Variants in GNPTAB observed in about 807,000 individuals in gnomAD.
The protein encoded by GNPTAB is N-acetylglucosamine-1-phosphotransferase subunits alpha/beta.
GNPTAB carries 92 observed loss-of-function variants against 136.6 expected under a neutral mutation model. The observed-to-expected ratio is 0.67, with a 90% CI of 0.57 to 0.80. The LOEUF (loss-of-function observed/expected upper bound fraction) is 0.80, where lower values mean the gene tolerates loss of function less well. Among genes scored for constraint, GNPTAB ranks in the 30% least tolerant of loss-of-function variants. The probability of loss-of-function intolerance (pLI) is 0.00; values close to 1 mark genes in which losing one functional copy is unlikely to be tolerated. For missense variants in GNPTAB, 1,343 were observed against 1,501.8 expected, an observed-to-expected ratio of 0.89 and a Z score of 1.75; for synonymous variants, 512 against 535.1, an observed-to-expected ratio of 0.96 and a Z score of 0.60.
At chr12:101,753,639 TC>T (rs1952855976) in intron 18 of GNPTAB, 100 bp from the exon 19 acceptor site, 2 of 987,506 alleles carry the variant, frequency 2.0e-6, no homozygotes, top group Non-Finnish European at 3.2e-6. Context: ...TGGACTTATG[TC>T]CCAAGTTGGT....
intron 6 of GNPTAB, 63 bp from the exon 7 acceptor site, chr12:101,780,349 T>C (rs1953323364): frequency 1.3e-5 from 20 of 1,539,364 alleles, no homozygotes; most frequent in Non-Finnish European, 1.8e-5. Flanking sequence ...AACCTACAGC[T>C]GAGAAAACTG....
At chr12:101,790,813 T>C (rs1868944803) in intron 2 of GNPTAB, among the ~76,000 whole-genome samples, 1 of 150,860 alleles carries the variant, frequency 6.6e-6, no homozygotes. Flanking sequence ...CCCTACTTAA[T>C]GCTGTAGCCT....
chr12:101,789,553 C>G (rs759673985), intron 3 of GNPTAB, among the ~76,000 whole-genome samples: 34 of 152,190 alleles, frequency 2.2e-4, no homozygotes, highest in Non-Finnish European at 2.9e-5. Flanking sequence ...GATACAATCA[C>G]GGCTCACTGC....
Position 101,770,492 on chromosome 12 carries a change from C to A in GNPTAB, c.1027G>T (p.Val343Phe), listed in dbSNP as rs140518816. ...TTGGTGACAATGAAAATATTCCGAA[C>A]CCATGGTGCATGCCTCTCGATAGAT... The part of the protein sequence containing the change: ...LRSIERHAPW[V>F]RNIFIVTNGQ... Residue 343 changes from valine (V) to phenylalanine (F), a missense_variant, in exon 9 of 21, where the codon GTT (valine) becomes TTT (phenylalanine). Val to Phe is a conservative substitution (Grantham distance 50). Coordinates refer to ENST00000299314, the MANE Select transcript of GNPTAB (RefSeq NM_024312.5). 35 of 1,613,376 alleles carry A rather than the reference C, an allele frequency of 2.2e-5. No individual in the cohort carries two copies. The highest frequency in any genetic ancestry group is 3.3e-5 in the South Asian group (3 of 91,072).
chr12:101,814,447 C>T (rs1167624915), intron 1 of GNPTAB, among the ~76,000 whole-genome samples: 1 of 152,102 alleles, frequency 6.6e-6, no homozygotes, highest in Non-Finnish European at 1.5e-5. Context: ...CTGTTAATTC[C>T]CGCACTTTGG....
chr12:101,828,606 C>T (rs930315195), intron 1 of GNPTAB, among the ~76,000 whole-genome samples: 9 of 152,058 alleles, frequency 5.9e-5, no homozygotes, highest in South Asian at 2.1e-4. Context: ...ATGAGAATCA[C>T]GTGAACCCAG....
At chr12:101,796,473 C>A in intron 2 of GNPTAB, 1 of 619,672 alleles carries the variant, frequency 1.6e-6, no homozygotes, top group Non-Finnish European at 2.9e-6. Context: ...CCACACTAAT[C>A]TTCTCTGTAT....
rs150823140 is a variant in GNPTAB, at chr12:101,789,197, C to T, written c.324-608G>A. On this transcript the variant is annotated intron_variant, in intron 3 of 20. Coordinates refer to ENST00000299314, the MANE Select transcript of GNPTAB (RefSeq NM_024312.5). ...TCAAAATGAGTGAGTAGGCAGCCAG[C>T]GGGTTGGGGGAGGGGGTCCTCTGTC... Among the ~76,000 whole-genome samples, 381 of 152,206 alleles carry T rather than the reference C, an allele frequency of 2.5e-3. 1 individual carries two copies. In the Middle Eastern group the frequency reaches 0.031, roughly 12 times the overall value.
intron 2 of GNPTAB, among the ~76,000 whole-genome samples, chr12:101,791,272 A>G (rs576252685): frequency 6.6e-6 from 1 of 152,194 alleles, no homozygotes; most frequent in East Asian, 1.9e-4. Flanking sequence ...AAACCTACCC[A>G]TCTTTCAGGG....
intron 1 of GNPTAB, among the ~76,000 whole-genome samples, chr12:101,809,949 A>G (rs1054489386): frequency 6.6e-6 from 1 of 152,184 alleles, no homozygotes; most frequent in African/African-American, 2.4e-5. Context: ...TGATTTGCCA[A>G]CTATAACAAA....
intron 11 of GNPTAB, among the ~76,000 whole-genome samples, chr12:101,766,860 C>G (rs942715491): frequency 2.0e-5 from 3 of 152,282 alleles, no homozygotes; most frequent in Non-Finnish European, 4.4e-5. Flanking sequence ...CTTACATTTG[C>G]TCAAGGGGCA....
intron 7 of GNPTAB, among the ~76,000 whole-genome samples, chr12:101,777,403 A>G (rs1485251103): frequency 1.3e-5 from 2 of 152,140 alleles, no homozygotes; most frequent in Non-Finnish European, 2.9e-5. Context: ...TGTCTTTACA[A>G]TCTCATCCTC....
At chr12:101,786,556 A>G (rs371552225) in intron 4 of GNPTAB, among the ~76,000 whole-genome samples, 2 of 152,330 alleles carry the variant, frequency 1.3e-5, no homozygotes, top group East Asian at 1.9e-4. Flanking sequence ...TATTGGACAG[A>G]TTAGGAAGGA....
At chr12:101,749,058 A>C in intron 20 of GNPTAB, 43 bp downstream of exon 20, 1 of 1,119,234 alleles carries the variant, frequency 8.9e-7, no homozygotes, top group Non-Finnish European at 1.4e-6. Flanking sequence ...CTAGTATACC[A>C]AGAAATACCA....
At chr12:101,815,825 G>A (rs1257781420) in intron 1 of GNPTAB, among the ~76,000 whole-genome samples, 1 of 152,076 alleles carries the variant, frequency 6.6e-6, no homozygotes, top group Non-Finnish European at 1.5e-5. Context: ...AAACTAAAAC[G>A]GCATGGTGCT....
At chr12:101,761,072 A>AGAATT in intron 15 of GNPTAB, 55 bp downstream of exon 15, 1 of 1,344,360 alleles carries the variant, frequency 7.4e-7, no homozygotes, top group Non-Finnish European at 1.1e-6. Flanking sequence ...GCGCCTGACC[A>AGAATT]GAATTAAATT....
At chr12:101,805,560 A>G (rs1459389569) in intron 1 of GNPTAB, among the ~76,000 whole-genome samples, 1 of 152,066 alleles carries the variant, frequency 6.6e-6, no homozygotes, top group Admixed American at 6.6e-5. Flanking sequence ...ACGTCTGGCT[A>G]ATTTTTGGAT....
Position 101,780,305 on chromosome 12 carries a change from C to T in GNPTAB, c.637-19G>A. On this transcript the variant is annotated intron_variant, in intron 6 of 20. Coordinates refer to ENST00000299314, the MANE Select transcript of GNPTAB (RefSeq NM_024312.5). ...CTGTTGTCTAAAATAAGGGGAAAAA[C>T]ATAACTCATTTTCCACATCATGAGG... is the stretch of plus-strand genomic sequence containing the variant. 2 of 1,613,352 alleles carry T rather than the reference C, an allele frequency of 1.2e-6. No individual in the cohort carries two copies. The highest frequency in any genetic ancestry group is 8.5e-7 in the Non-Finnish European group (1 of 1,179,356).
At chr12:101,773,031 GCTGGT>G (rs1953203084) in intron 7 of GNPTAB, 1 of 166,586 alleles carries the variant, frequency 6.0e-6, no homozygotes, top group Non-Finnish European at 1.3e-5. Context: ...CATTGGCCAG[GCTGGT>G]CTCCTGACAT....
Sources: gnomAD v4.1 joint callset for allele counts (sites outside exome capture counted in the v4.1 genomes callset) on GRCh38, gnomAD v4.1.1 for gene constraint, MANE v1.5 for transcripts, NCBI Gene and HGNC (gene_info 2026-07-23, HGNC 2026-07-21) for gene names.